XRCC4: variants seen among roughly 807,000 people sequenced by gnomAD.
XRCC4 encodes the protein DNA repair protein XRCC4.
XRCC4 carries 28 observed loss-of-function variants against 39.1 expected under a neutral mutation model. That is an observed-to-expected ratio of 0.72 (90% CI 0.53 to 0.98). The LOEUF (loss-of-function observed/expected upper bound fraction) is 0.98, where lower values mean the gene tolerates loss of function less well. XRCC4 is among the 50% of genes least tolerant of loss of function. The probability of loss-of-function intolerance (pLI) is 0.00; values close to 1 mark genes in which losing one functional copy is unlikely to be tolerated. For missense variants in XRCC4, 350 were observed against 376.4 expected (o/e 0.93, Z 0.58); for synonymous variants, 123 against 126.4 (o/e 0.97, Z 0.18).
At chr5:83,311,844 TTAAA>T (rs759404437) in intron 7 of XRCC4, among the ~76,000 whole-genome samples, 13 of 152,072 alleles carry the variant, frequency 8.5e-5, no homozygotes, top group Non-Finnish European at 1.3e-4. Flanking sequence ...AGGCTATTTA[TTAAA>T]TATTCAATAT....
the XRCC4 span, among the ~76,000 whole-genome samples, chr5:83,373,359 A>C: frequency 6.6e-6 from 1 of 152,154 alleles, no homozygotes; most frequent in Admixed American, 6.5e-5. Context: ...AGAATAAATA[A>C]ATTGAAATAT....
intron 7 of XRCC4, among the ~76,000 whole-genome samples, chr5:83,267,259 G>C (rs906561519): frequency 1.3e-5 from 2 of 152,090 alleles, no homozygotes; most frequent in Admixed American, 6.5e-5. Context: ...GTTTGGCTTT[G>C]AAGATGAATG....
At chr5:83,109,602 A>T (rs1239929458) in intron 2 of XRCC4, among the ~76,000 whole-genome samples, 1 of 151,948 alleles carries the variant, frequency 6.6e-6, no homozygotes, top group Non-Finnish European at 1.5e-5. Context: ...TTTTAAAAAC[A>T]AACAAGTATG....
At chr5:83,091,470 C>A (rs572847325) in intron 1 of XRCC4, among the ~76,000 whole-genome samples, 2 of 152,168 alleles carry the variant, frequency 1.3e-5, no homozygotes, top group African/African-American at 4.8e-5. Flanking sequence ...GATTACAATT[C>A]GAGATGAGAT....
rs1746421310 is a variant in XRCC4 at position 83,111,084 on chromosome 5, T to TA, written c.197dup (p.Tyr66Ter). The change falls in exon 3 of 8, where the codon TAT (tyrosine) becomes TAAT (stop). Residue 66 changes from tyrosine (Y) to a stop codon, truncating the protein, a stop_gained and frameshift_variant. Coordinates refer to ENST00000396027, the MANE Select transcript of XRCC4 (RefSeq NM_003401.5). LOFTEE classifies it high-confidence loss of function. ...ADDMAMEKGKYVGELRKALLS... is the reference protein window; with the variant it reads ...ADDMAMEKGK ...TGACATGGCAATGGAAAAAGGGAAA[T>TA]ATGTTGGTGAACTGAGAAAAGCATT... 6.2e-7 allele frequency: 1 copy of TA among 1,612,028 alleles called. No homozygotes were observed. The highest frequency in any genetic ancestry group is 8.5e-7 in the Non-Finnish European group (1 of 1,179,100).
At chr5:83,323,284 G>C (rs1389719558) in intron 7 of XRCC4, among the ~76,000 whole-genome samples, 1 of 151,968 alleles carries the variant, frequency 6.6e-6, no homozygotes, top group African/African-American at 2.4e-5. Flanking sequence ...TTAAATTTTT[G>C]ATTACTCATA....
chr5:83,166,697 G>A (rs113810869), intron 3 of XRCC4, among the ~76,000 whole-genome samples: 2,184 of 147,912 alleles, frequency 0.015, 62 homozygotes, highest in African/African-American at 0.052. Flanking sequence ...GGCTGGTCTC[G>A]AACTCCTGGC....
At chr5:83,216,991 GTTTC>G (rs768621206) in intron 6 of XRCC4, among the ~76,000 whole-genome samples, 2 of 150,218 alleles carry the variant, frequency 1.3e-5, no homozygotes, top group African/African-American at 2.5e-5. Flanking sequence ...CTTTCTAAGA[GTTTC>G]TTTCTAAAAA....
At chr5:83,172,681 T>C (rs1019262365) in intron 3 of XRCC4, among the ~76,000 whole-genome samples, 1 of 152,134 alleles carries the variant, frequency 6.6e-6, no homozygotes, top group Non-Finnish European at 1.5e-5. Context: ...TTCATGAAAT[T>C]AGAAGTAGCT....
At chr5:83,142,379 A>G (rs1404018070) in intron 3 of XRCC4, among the ~76,000 whole-genome samples, 1 of 152,090 alleles carries the variant, frequency 6.6e-6, no homozygotes, top group African/African-American at 2.4e-5. Flanking sequence ...ATAGCTAGTG[A>G]GTGGCAAAGC....
chr5:83,190,970 C>T (rs750287301), intron 3 of XRCC4, among the ~76,000 whole-genome samples: 14 of 152,088 alleles, frequency 9.2e-5, no homozygotes, highest in Non-Finnish European at 2.1e-4. Context: ...AAATCCCTTA[C>T]CTATCCTATT....
intron 3 of XRCC4, among the ~76,000 whole-genome samples, chr5:83,122,146 G>T (rs1055145194): frequency 5.3e-5 from 8 of 152,106 alleles, no homozygotes; most frequent in African/African-American, 1.9e-4. Flanking sequence ...TTTTGAATTT[G>T]CTTTAGTTAT....
chr5:83,135,287 CA>C (rs1412143393), intron 3 of XRCC4, among the ~76,000 whole-genome samples: 1 of 152,134 alleles, frequency 6.6e-6, no homozygotes, highest in African/African-American at 2.4e-5. Context: ...AGAAATCACC[CA>C]TCTTCTGTGT....
At chr5:83,243,200 T>C (rs890481307) in intron 6 of XRCC4, among the ~76,000 whole-genome samples, 1 of 152,200 alleles carries the variant, frequency 6.6e-6, no homozygotes, top group Admixed American at 6.5e-5. Context: ...ATCAAGTTAG[T>C]TTCATAATGA....
chr5:83,183,672 T>A (rs373813945), intron 3 of XRCC4, among the ~76,000 whole-genome samples: 12 of 152,292 alleles, frequency 7.9e-5, no homozygotes, highest in African/African-American at 2.9e-4. Flanking sequence ...AGTTTATAAT[T>A]GTTATCTTTA....
rs1445857524 is a variant in XRCC4, at chr5:83,205,497, T to A, written c.745+576T>A. Among the ~76,000 whole-genome samples the A allele has an allele frequency of 2.0e-5, 3 of 152,158 alleles. No individual in the cohort carries two copies. In the East Asian group the frequency reaches 5.8e-4, roughly 29 times the overall value. On this transcript the variant is annotated intron_variant, in intron 6 of 7. Coordinates refer to ENST00000396027, the MANE Select transcript of XRCC4 (RefSeq NM_003401.5). ...GTGTTTAAACCCATGAGTTATTTTTTAAAATGTTTTATAGATTTCCTAGTG... is the reference window on the plus strand; with the variant it reads ...GTGTTTAAACCCATGAGTTATTTTTAAAAATGTTTTATAGATTTCCTAGTG...
At chr5:83,156,658 A>G (rs1464173884) in intron 3 of XRCC4, among the ~76,000 whole-genome samples, 1 of 152,080 alleles carries the variant, frequency 6.6e-6, no homozygotes, top group Non-Finnish European at 1.5e-5. Context: ...AGTGGCTTAT[A>G]TTGCCTTAAA....
At chr5:83,082,666 G>A (rs1322993108) in intron 1 of XRCC4, among the ~76,000 whole-genome samples, 1 of 151,970 alleles carries the variant, frequency 6.6e-6, no homozygotes, top group Non-Finnish European at 1.5e-5. Flanking sequence ...GCTGCCTGTG[G>A]CCTATGATGG....
chr5:83,184,361 G>A (rs1750339733), intron 3 of XRCC4, among the ~76,000 whole-genome samples: 2 of 151,478 alleles, frequency 1.3e-5, no homozygotes, highest in African/African-American at 2.4e-5. Context: ...GTGTAATAAT[G>A]CCTTTTAACC....
Sources: allele counts gnomAD v4.1 joint callset (sites outside exome capture counted in the v4.1 genomes callset), GRCh38; gene constraint gnomAD v4.1.1; transcripts MANE v1.5; gene names NCBI Gene and HGNC (gene_info 2026-07-23, HGNC 2026-07-21).